FNBP1: variants seen among roughly 807,000 people sequenced by gnomAD.
The protein encoded by FNBP1 is formin-binding protein 1.
A neutral mutation model predicts 90.6 loss-of-function variants in FNBP1; 26 were observed. That is an observed-to-expected ratio of 0.29 (90% CI 0.21 to 0.40). The LOEUF (loss-of-function observed/expected upper bound fraction) is 0.40. Ranked by LOEUF, FNBP1 falls within the 10% of genes least tolerant of loss-of-function variation. The pLI, the probability that FNBP1 is intolerant of heterozygous loss-of-function variation, is 1.00. For synonymous variants in FNBP1, 260 were observed against 265.2 expected, an observed-to-expected ratio of 0.98 and a Z score of 0.19; for missense variants, 635 against 768.0, an observed-to-expected ratio of 0.83 and a Z score of 2.05.
At chr9:129,926,954 G>A (rs925540372) in intron 8 of FNBP1, among the ~76,000 whole-genome samples, 8 of 151,092 alleles carry the variant, frequency 5.3e-5, no homozygotes, top group Non-Finnish European at 1.2e-4. Context: ...AGGAAACAAA[G>A]CCTTTACCTT....
At chr9:129,907,483 T>C (rs1021821602) in intron 12 of FNBP1, among the ~76,000 whole-genome samples, 11 of 152,146 alleles carry the variant, frequency 7.2e-5, no homozygotes, top group African/African-American at 2.7e-4. Context: ...TCCTACTTTG[T>C]GCTTTTTTCT....
At chr9:130,014,098 T>C (rs1156690627) in intron 1 of FNBP1, 2 of 456,258 alleles carry the variant, frequency 4.4e-6, no homozygotes, top group South Asian at 1.6e-5. Flanking sequence ...GGTATATTCA[T>C]ACAGGATGAA....
At position 130,042,849 on chromosome 9, in the gene FNBP1, G is replaced by T; in HGVS notation, c.24+103C>A. ...AGGCCGCGAGGACCCCGACCAGCGC[G>T]CCCTCGCCTCCGCCCAGCAGCGCGG... On this transcript the variant is annotated intron_variant, in intron 1 of 16. Coordinates refer to ENST00000446176, the MANE Select transcript of FNBP1 (RefSeq NM_015033.3). The surrounding 1 kb of genome is among the most constrained non-coding windows in gnomAD (Gnocchi z 5.5). 1.3e-6 allele frequency: 1 copy of T among 762,180 alleles called. No individual in the cohort carries two copies. The highest frequency in any genetic ancestry group is 1.8e-6 in the Non-Finnish European group (1 of 563,808). The allele number at this position is 762,180 out of a possible 1,614,324, so 47.2% of individuals were successfully genotyped here.
chr9:130,046,400 A>T (rs1174608602), upstream of FNBP1, among the ~76,000 whole-genome samples: 2 of 152,044 alleles, frequency 1.3e-5, no homozygotes, highest in Non-Finnish European at 2.9e-5. Context: ...TCCAAAAAAC[A>T]AAGTTCTGAG....
At chr9:129,987,637 T>C (rs943536689) in intron 2 of FNBP1, among the ~76,000 whole-genome samples, 1 of 151,832 alleles carries the variant, frequency 6.6e-6, no homozygotes, top group Non-Finnish European at 1.5e-5. Flanking sequence ...GCCTCCTGAG[T>C]AGCTGGGATG....
chr9:129,900,195 C>T lies in FNBP1; in HGVS notation c.1551-94G>A, dbSNP rs1030824541. On this transcript the variant is annotated intron_variant, in intron 14 of 16. Transcript: ENST00000446176. The surrounding 1 kb of genome is among the most constrained non-coding windows in gnomAD (Gnocchi z 4.1). The stretch of plus-strand genomic sequence containing the variant: ...TGCGACTGGAGAGCACTTGCAACCC[C>T]GCCCCTCAGCGAGTGCTGTAACTGA... 4 of 1,357,804 alleles carry T rather than the reference C, an allele frequency of 2.9e-6. No homozygotes were observed. Among genetic ancestry groups the T allele is most frequent in the East Asian group, 5.2e-5 (2 of 38,722 alleles). The allele number at this position is 1,357,804 out of a possible 1,614,324, so 84.1% of individuals were successfully genotyped here. A position where few individuals can be genotyped will look rare whatever the true frequency, so the allele number is the denominator to read the frequency against.
At chr9:130,044,792 T>G (rs897294514), upstream of FNBP1, 1 of 151,866 alleles carries the variant, frequency 6.6e-6, no homozygotes, top group Non-Finnish European at 1.5e-5. Flanking sequence ...AAAAGTTAGC[T>G]GGGCGTGGTG....
chr9:129,994,835 C>T lies in FNBP1; in HGVS notation c.140+8G>A, dbSNP rs772910781. 1.4e-6 allele frequency: 2 copies of T among 1,394,988 alleles called. No homozygotes were observed. The highest frequency in any genetic ancestry group is 2.4e-5 in the South Asian group (2 of 81,774). 86.4% of individuals were successfully genotyped at this position (1,394,988 alleles called of 1,614,324 possible). On this transcript the variant is annotated splice_region_variant and intron_variant, in intron 2 of 16. Transcript: ENST00000446176. Reference sequence around the variant, plus strand: ...GTTAACAAATAACCTTTTTCAATATCAACTTACCTGAGTTGCTTTGCATAG... The same window carrying T: ...GTTAACAAATAACCTTTTTCAATATTAACTTACCTGAGTTGCTTTGCATAG...
rs1400553587 is a variant in FNBP1, at chr9:129,889,608, T to C, written c.*931A>G. On this transcript the variant is annotated 3_prime_UTR_variant, in exon 17 of 17. Coordinates refer to ENST00000446176, the MANE Select transcript of FNBP1 (RefSeq NM_015033.3). ...AAAACAACAACAAAAAAGGAAGTGC[T>C]ACCCTTTTCAGATGCTAATCCTGGG... 1 of 219,090 alleles carries C rather than the reference T, an allele frequency of 4.6e-6. No homozygotes were observed. The highest frequency in any genetic ancestry group is 6.6e-5 in the East Asian group (1 of 15,262). The allele number at this position is 219,090 out of a possible 1,614,324, so 13.6% of individuals were successfully genotyped here. A position where few individuals can be genotyped will look rare whatever the true frequency, so the allele number is the denominator to read the frequency against.
At chr9:129,993,422 AAC>A (rs2053516251) in intron 2 of FNBP1, among the ~76,000 whole-genome samples, 1 of 151,456 alleles carries the variant, frequency 6.6e-6, no homozygotes, top group Admixed American at 6.6e-5. Context: ...ATTCTATAAA[AAC>A]ACAAATTTCT....
chr9:129,944,922 C>T (rs2044997160), intron 6 of FNBP1, among the ~76,000 whole-genome samples: 1 of 152,150 alleles, frequency 6.6e-6, no homozygotes, highest in African/African-American at 2.4e-5. Context: ...ACTTACCATA[C>T]AAAAGCCTTT....
chr9:129,931,640 A>G (rs2042762515), intron 6 of FNBP1, among the ~76,000 whole-genome samples: 2 of 150,858 alleles, frequency 1.3e-5, no homozygotes, highest in Non-Finnish European at 3.0e-5. Flanking sequence ...AAATAAATAA[A>G]TAAATAAATT....
At chr9:129,972,548 T>C (rs1319754437) in intron 4 of FNBP1, among the ~76,000 whole-genome samples, 2 of 150,380 alleles carry the variant, frequency 1.3e-5, no homozygotes, top group African/African-American at 2.4e-5. Context: ...TTTTTTTTTT[T>C]TGAGATGGAG....
the FNBP1 span, among the ~76,000 whole-genome samples, chr9:130,050,819 T>G: frequency 3.5e-5 from 1 of 28,948 alleles, no homozygotes; most frequent in South Asian, 2.1e-3. Flanking sequence ...TTTGTGTTTT[T>G]TTTTTGTTTT....
chr9:129,967,243 C>T (rs2048759135), intron 4 of FNBP1, among the ~76,000 whole-genome samples: 3 of 152,140 alleles, frequency 2.0e-5, no homozygotes, highest in African/African-American at 7.2e-5. Flanking sequence ...GGGCCGGGAG[C>T]GGTGGCTCAC....
rs183866688 is a variant in FNBP1, at chr9:130,034,371, T to A, written c.24+8581A>T. On this transcript the variant is annotated intron_variant, in intron 1 of 16. Coordinates refer to ENST00000446176, the MANE Select transcript of FNBP1 (RefSeq NM_015033.3). Reference sequence around the variant, plus strand: ...GGTAGTGTACACCTGTGGTCCCAGCTAATCAGGAGGCTGAGGCGAAAGGCT... The same window carrying A: ...GGTAGTGTACACCTGTGGTCCCAGCAAATCAGGAGGCTGAGGCGAAAGGCT... 1.2e-3 allele frequency among the ~76,000 whole-genome samples: 187 copies of A among 151,038 alleles called. 1 individual carries two copies. Among genetic ancestry groups the A allele is most frequent in the African/African-American group, 4.4e-3 (183 of 41,132 alleles).
chr9:129,957,550 C>T lies in FNBP1; in HGVS notation c.409-86G>A. ...TCTAAAGCTCCCAAAGAGCATTGTT[C>T]TTTTTCTTTTTTTTTTCTTCAGTCA... On this transcript the variant is annotated intron_variant, in intron 5 of 16. Transcript: ENST00000446176. This position sits in a 1 kb window ranked among gnomAD's most constrained non-coding sequence, Gnocchi z 4.3. 9.4e-7 allele frequency: 1 copy of T among 1,061,372 alleles called. No homozygotes were observed. The allele number at this position is 1,061,372 out of a possible 1,614,324, so 65.7% of individuals were successfully genotyped here.
chr9:129,918,272 G>C (rs968671732), intron 10 of FNBP1, among the ~76,000 whole-genome samples: 1 of 152,194 alleles, frequency 6.6e-6, no homozygotes, highest in Non-Finnish European at 1.5e-5. Flanking sequence ...ATCACAGTAC[G>C]TGGAATTTCT....
At position 129,978,499 on chromosome 9, in the gene FNBP1, C is replaced by T. The variant is rs764177369; in HGVS notation, c.311G>A (p.Arg104His). ...CTCCTGTTTCAGTTCCTGAACATAG[C>T]GTGCCAAGTCCACAATGATCTGTGA... The part of the protein sequence containing the change: ...MASQIIVDLA[R>H]YVQELKQERK... Residue 104 changes from arginine to histidine, a missense_variant, in exon 4 of 17, where the codon CGC (arginine) becomes CAC (histidine). By Grantham distance (29) the Arg-to-His change is conservative. Transcript: ENST00000446176. 1.4e-5 allele frequency: 22 copies of T among 1,613,494 alleles called. No homozygotes were observed. The Admixed American group carries it at 1.8e-4, about 13-fold the overall frequency.
Sources: gnomAD v4.1 joint callset for allele counts (sites outside exome capture counted in the v4.1 genomes callset) on GRCh38, gnomAD v4.1.1 for gene constraint, Gnocchi (gnomAD v3.1) non-coding constraint, MANE v1.5 for transcripts, NCBI Gene and HGNC (gene_info 2026-07-23, HGNC 2026-07-21) for gene names.